VMP1: variants seen among roughly 807,000 people sequenced by gnomAD.
The protein encoded by VMP1 is ectopic P-granules autophagy protein 3 homolog.
In VMP1, 11 loss-of-function variants were observed where a neutral mutation model predicts 56.0. The observed-to-expected ratio is 0.20, with a 90% CI of 0.12 to 0.32. The LOEUF (loss-of-function observed/expected upper bound fraction) is 0.32, where lower values mean the gene tolerates loss of function less well. Among genes scored for constraint, VMP1 ranks in the 10% least tolerant of loss-of-function variants. The pLI is 1.00. For synonymous variants in VMP1, 149 were observed against 165.0 expected (o/e 0.90, Z 0.74); for missense variants, 296 against 490.3 (o/e 0.60, Z 3.74).
At chr17:59,832,761 ATTTTTTTT>A (rs71145580) in intron 10 of VMP1, among the ~76,000 whole-genome samples, 1 of 101,346 alleles carries the variant, frequency 9.9e-6, no homozygotes, top group African/African-American at 4.0e-5. Flanking sequence ...GCCTGGCAAT[ATTTTTTTT>A]TTTTTTTTTT....
intron 5 of VMP1, among the ~76,000 whole-genome samples, chr17:59,759,882 TG>T (rs2035978352): frequency 6.8e-6 from 1 of 146,110 alleles, no homozygotes; most frequent in Non-Finnish European, 1.5e-5. Context: ...TGTTTTGTTT[TG>T]TTTTGTTTTG....
At position 59,793,609 on chromosome 17, in the gene VMP1, C is replaced by T. The variant is rs773387507; in HGVS notation, c.715-15187C>T. 8.1e-4 allele frequency among the ~76,000 whole-genome samples: 93 copies of T among 115,236 alleles called. 11 individuals are homozygous for T. Among genetic ancestry groups the T allele is most frequent in the African/African-American group, 2.3e-3 (87 of 38,566 alleles). 75.6% of individuals were successfully genotyped at this position (115,236 alleles called of 152,430 possible). A position where few individuals can be genotyped will look rare whatever the true frequency, so the allele number is the denominator to read the frequency against. On this transcript the variant is annotated intron_variant, in intron 7 of 11. Transcript: ENST00000262291. ...ATGTTTGTGCGTGTGTGCACGCGTG[C>T]GCATGTGTGTGTGTGTTTATTTATT...
At chr17:59,716,478 CT>C (rs2034156464) in intron 1 of VMP1, among the ~76,000 whole-genome samples, 1 of 152,136 alleles carries the variant, frequency 6.6e-6, no homozygotes, top group South Asian at 2.1e-4. Flanking sequence ...ATATGTGACT[CT>C]GGAATTCCTC....
intron 8 of VMP1, among the ~76,000 whole-genome samples, chr17:59,810,593 A>T (rs1018303301): frequency 6.6e-6 from 1 of 152,220 alleles, no homozygotes; most frequent in African/African-American, 2.4e-5. Flanking sequence ...GATGCTGTGT[A>T]AATGATATTA....
At chr17:59,788,747 A>G (rs1245372367) in intron 7 of VMP1, among the ~76,000 whole-genome samples, 1 of 150,882 alleles carries the variant, frequency 6.6e-6, no homozygotes, top group Non-Finnish European at 1.5e-5. Context: ...CAGAAGTTGC[A>G]GTGAGCTGAG....
chr17:59,721,950 T>C (rs763965936), intron 1 of VMP1, among the ~76,000 whole-genome samples: 4 of 152,204 alleles, frequency 2.6e-5, no homozygotes, highest in Non-Finnish European at 5.9e-5. Context: ...GAGGACTCTC[T>C]TCCTGGCTTA....
At chr17:59,796,294 A>G (rs1271060987) in intron 7 of VMP1, among the ~76,000 whole-genome samples, 1 of 152,106 alleles carries the variant, frequency 6.6e-6, no homozygotes, top group Non-Finnish European at 1.5e-5. Flanking sequence ...TTTAGTTTTC[A>G]TCTCCTCCCA....
intron 6 of VMP1, among the ~76,000 whole-genome samples, chr17:59,772,004 TTCTTTTTC>T (rs1478110096): frequency 6.6e-6 from 1 of 152,074 alleles, no homozygotes; most frequent in Non-Finnish European, 1.5e-5. Context: ...CAGTTAAGTA[TTCTTTTTC>T]TCTTTTTTCT....
At chr17:59,753,050 C>A (rs2035710944) in intron 5 of VMP1, among the ~76,000 whole-genome samples, 1 of 152,088 alleles carries the variant, frequency 6.6e-6, no homozygotes, top group Admixed American at 6.6e-5. Context: ...GCAGGAGGAT[C>A]ACTTGAGGCC....
At chr17:59,760,980 G>A (rs1190515408) in intron 5 of VMP1, among the ~76,000 whole-genome samples, 2 of 151,752 alleles carry the variant, frequency 1.3e-5, no homozygotes, top group Admixed American at 6.6e-5. Context: ...TCAGCTCACC[G>A]CACCCTCTGC....
At chr17:59,797,296 C>T (rs1285544910) in intron 7 of VMP1, among the ~76,000 whole-genome samples, 1 of 147,474 alleles carries the variant, frequency 6.8e-6, no homozygotes, top group Non-Finnish European at 1.5e-5. Context: ...GAGATCACGC[C>T]ATGCCACTGC....
intron 10 of VMP1, among the ~76,000 whole-genome samples, chr17:59,830,525 A>T (rs1054080461): frequency 7.2e-5 from 11 of 152,234 alleles, no homozygotes; most frequent in Non-Finnish European, 1.6e-4. Context: ...AAATAAAGGT[A>T]AAAAACTGTT....
intron 9 of VMP1, among the ~76,000 whole-genome samples, chr17:59,813,622 A>C (rs999456942): frequency 6.6e-6 from 1 of 152,148 alleles, no homozygotes; most frequent in Non-Finnish European, 1.5e-5. Flanking sequence ...CAAATAATAA[A>C]ATATGGTGAA....
At chr17:59,835,988 T>C (rs1018093125) in intron 10 of VMP1, among the ~76,000 whole-genome samples, 1 of 150,710 alleles carries the variant, frequency 6.6e-6, no homozygotes, top group Non-Finnish European at 1.5e-5. Flanking sequence ...GAAAGATTAC[T>C]AGTCTGCCTC....
chr17:59,801,112 ATGTGTGTGTGTGTGTGTG>A (rs71145573), intron 7 of VMP1, among the ~76,000 whole-genome samples: 1 of 110,322 alleles, frequency 9.1e-6, no homozygotes, highest in Non-Finnish European at 1.7e-5. Flanking sequence ...ATATATATAT[ATGTGTGTGTGTGTGTGTG>A]TGTGTGTGTG....
At chr17:59,787,095 G>A (rs1287009247) in intron 7 of VMP1, among the ~76,000 whole-genome samples, 2 of 152,166 alleles carry the variant, frequency 1.3e-5, no homozygotes, top group African/African-American at 2.4e-5. Context: ...GATGGATTCT[G>A]TTACAGGATA....
chr17:59,727,205 G>A (rs1002110130), intron 1 of VMP1, among the ~76,000 whole-genome samples: 3 of 151,674 alleles, frequency 2.0e-5, no homozygotes, highest in African/African-American at 4.8e-5. Context: ...CGCGATCTCC[G>A]CTTACCACAA....
chr17:59,747,113 C>T (rs773631360), intron 5 of VMP1, among the ~76,000 whole-genome samples: 2 of 152,090 alleles, frequency 1.3e-5, no homozygotes, highest in Non-Finnish European at 2.9e-5. Flanking sequence ...AGCAACTTCA[C>T]CCAAAAACCA....
rs1166825358 is a variant in VMP1, at chr17:59,840,068, A to T, written c.*157A>T. On this transcript the variant is annotated 3_prime_UTR_variant, in exon 12 of 12. Coordinates refer to ENST00000262291, the MANE Select transcript of VMP1 (RefSeq NM_030938.5). ...TTTAGTCCATACTTTGCACTGACAT[A>T]CTTTTTCCTTCTGTGCTAAGGTAAG... The T allele has an allele frequency of 1.1e-6, 1 of 892,548 alleles. No individual in the cohort carries two copies. Among genetic ancestry groups the T allele is most frequent in the East Asian group, 2.8e-5 (1 of 36,060 alleles). The allele number at this position is 892,548 out of a possible 1,614,324, so 55.3% of individuals were successfully genotyped here.
Sources: gnomAD v4.1 joint callset for allele counts (sites outside exome capture counted in the v4.1 genomes callset) on GRCh38, gnomAD v4.1.1 for gene constraint, MANE v1.5 for transcripts, NCBI Gene and HGNC (gene_info 2026-07-23, HGNC 2026-07-21) for gene names.